Variants in SEMA3A observed in about 807,000 individuals in gnomAD.
The protein encoded by SEMA3A is semaphorin 3A, also known as semaphorin-3A.
A neutral mutation model predicts 97.9 loss-of-function variants in SEMA3A; 29 were observed. That is an observed-to-expected ratio of 0.30 (90% CI 0.22 to 0.40). The LOEUF (loss-of-function observed/expected upper bound fraction) is 0.40. Ranked by LOEUF, SEMA3A falls within the 10% of genes least tolerant of loss-of-function variation. The probability of loss-of-function intolerance (pLI) is 1.00; values close to 1 mark genes in which losing one functional copy is unlikely to be tolerated. For missense variants in SEMA3A, 763 were observed against 951.3 expected (o/e 0.80, Z 2.60); for synonymous variants, 321 against 323.7 (o/e 0.99, Z 0.09).
At chr7:84,376,265 ACT>A (rs1207612930) in intron 1 of SEMA3A, among the ~76,000 whole-genome samples, 1 of 152,090 alleles carries the variant, frequency 6.6e-6, no homozygotes, top group Non-Finnish European at 1.5e-5. Flanking sequence ...GAACTTTCAC[ACT>A]GTTTTTTATG....
At chr7:84,384,151 A>C (rs1159429101) in intron 1 of SEMA3A, among the ~76,000 whole-genome samples, 1 of 152,176 alleles carries the variant, frequency 6.6e-6, no homozygotes, top group Non-Finnish European at 1.5e-5. Context: ...ATTTTTGAGA[A>C]GATATTAGAG....
At chr7:84,402,348 G>A (rs970996990) in intron 1 of SEMA3A, among the ~76,000 whole-genome samples, 2 of 152,130 alleles carry the variant, frequency 1.3e-5, no homozygotes, top group African/African-American at 4.8e-5. Context: ...CATAACAACT[G>A]CTGGCAACAG....
intron 4 of SEMA3A, among the ~76,000 whole-genome samples, chr7:84,080,401 C>T (rs964897564): frequency 5.9e-5 from 9 of 151,418 alleles, no homozygotes; most frequent in East Asian, 1.9e-4. Flanking sequence ...AAAATTATAC[C>T]GTAGGCTTAA....
intron 15 of SEMA3A, among the ~76,000 whole-genome samples, chr7:83,975,535 CTAGAT>C (rs1451764744): frequency 6.6e-6 from 1 of 152,048 alleles, no homozygotes; most frequent in African/African-American, 2.4e-5. Context: ...AGACATGTAT[CTAGAT>C]TATAACTTGA....
chr7:84,194,496 T>G lies in SEMA3A; in HGVS notation c.91A>C (p.Arg31=). The change falls in exon 1 of 17, where the codon AGG becomes CGG. Residue 31 remains arginine (R), a synonymous_variant. Transcript: ENST00000265362. ...TTACCTTTGTAGGATAATTTCAGCC[T>G]TGGCACATTGTTCTTCCCATTCTGA... ...NYQNGKNNVP[R]LKLSYKEMLE... The G allele has an allele frequency of 6.2e-7, 1 of 1,609,292 alleles. No homozygotes were observed. Among genetic ancestry groups the G allele is most frequent in the Non-Finnish European group, 8.5e-7 (1 of 1,175,686 alleles).
At chr7:84,231,880 G>C (rs776175076) in intron 3 of SEMA3A, among the ~76,000 whole-genome samples, 8 of 151,842 alleles carry the variant, frequency 5.3e-5, no homozygotes, top group Non-Finnish European at 1.0e-4. Flanking sequence ...TTGGGAAACA[G>C]AAAAATAACT....
intron 1 of SEMA3A, among the ~76,000 whole-genome samples, chr7:84,405,373 A>G (rs2116228942): frequency 6.6e-6 from 1 of 152,334 alleles, no homozygotes; most frequent in Admixed American, 6.5e-5. Context: ...CACCCAATAC[A>G]TTAACACCCA....
chr7:84,442,889 TTGA>T (rs1262160459), intron 1 of SEMA3A, among the ~76,000 whole-genome samples: 1 of 152,100 alleles, frequency 6.6e-6, no homozygotes, highest in Non-Finnish European at 1.5e-5. Context: ...GAATATTATG[TTGA>T]TGAAAGTTTC....
At chr7:84,221,610 T>G (rs1157435714) in intron 3 of SEMA3A, among the ~76,000 whole-genome samples, 4 of 152,030 alleles carry the variant, frequency 2.6e-5, no homozygotes, top group Non-Finnish European at 5.9e-5. Context: ...AATACTGAAA[T>G]TATTGTTCTA....
intron 15 of SEMA3A, among the ~76,000 whole-genome samples, chr7:83,965,720 T>G (rs1788670092): frequency 8.5e-6 from 1 of 117,486 alleles, no homozygotes; most frequent in Non-Finnish European, 1.7e-5. Context: ...TTACTCTGTC[T>G]CCCAGGCTGG....
At chr7:84,030,059 G>A (rs1319198606) in intron 6 of SEMA3A, among the ~76,000 whole-genome samples, 1 of 152,094 alleles carries the variant, frequency 6.6e-6, no homozygotes. Context: ...TCCTCTCAGT[G>A]TGGCTCATGT....
At chr7:83,978,054 C>A (rs773844855) in intron 14 of SEMA3A, among the ~76,000 whole-genome samples, 16 of 152,162 alleles carry the variant, frequency 1.1e-4, no homozygotes, top group Admixed American at 9.8e-4. Flanking sequence ...CCGCCCTCCT[C>A]GGCCTCCCAA....
At chr7:84,315,237 G>A (rs1801466993) in intron 2 of SEMA3A, among the ~76,000 whole-genome samples, 1 of 152,040 alleles carries the variant, frequency 6.6e-6, no homozygotes, top group African/African-American at 2.4e-5. Flanking sequence ...CGATTAGGCT[G>A]GAGAGGACAT....
chr7:84,028,871 G>A lies in SEMA3A; in HGVS notation c.668-14520C>T, dbSNP rs561796484. 1.5e-3 allele frequency among the ~76,000 whole-genome samples: 229 copies of A among 152,036 alleles called. 1 individual carries two copies. Among genetic ancestry groups the A allele is most frequent in the African/African-American group, 5.2e-3 (216 of 41,448 alleles). On this transcript the variant is annotated intron_variant, in intron 6 of 16. Transcript: ENST00000265362. ...CCTGACCTCGTGATCTGCCCGCCTC[G>A]GCCTCCCAAAGTGCTGGGATTACAG...
intron 1 of SEMA3A, among the ~76,000 whole-genome samples, chr7:84,468,736 T>C (rs1296823681): frequency 6.6e-6 from 1 of 152,114 alleles, no homozygotes; most frequent in Non-Finnish European, 1.5e-5. Context: ...CAGTATAAAT[T>C]GGTGCTAAAC....
rs190219977 is a variant in SEMA3A at position 83,997,924 on chromosome 7, G to C, written c.1452+4031C>G. ...GGTAATTTTTTGCATTTTTAGTAGA[G>C]ACGGGGTTTCACCATCTTGGCCAGG... is the stretch of plus-strand genomic sequence containing the variant. On this transcript the variant is annotated intron_variant, in intron 12 of 16. Coordinates refer to ENST00000265362, the MANE Select transcript of SEMA3A (RefSeq NM_006080.3). Among the ~76,000 whole-genome samples the C allele has an allele frequency of 2.5e-3, 373 of 152,030 alleles. 1 individual carries two copies. Among genetic ancestry groups the C allele is most frequent in the African/African-American group, 8.7e-3 (359 of 41,438 alleles).
intron 4 of SEMA3A, among the ~76,000 whole-genome samples, chr7:84,105,733 G>T (rs925569210): frequency 1.3e-5 from 2 of 151,996 alleles, no homozygotes; most frequent in African/African-American, 4.8e-5. Flanking sequence ...AATTTGAAGG[G>T]GAAATACCAT....
At chr7:84,487,789 GT>G (rs1258281133) in intron 1 of SEMA3A, among the ~76,000 whole-genome samples, 2 of 151,662 alleles carry the variant, frequency 1.3e-5, no homozygotes, top group South Asian at 4.2e-4. Context: ...TTTAAAAATC[GT>G]TTTTTTCTCT....
In SEMA3A at chr7:84,410,589, G is replaced by A. The variant is rs117459587; in HGVS notation, c.-245-38689C>T. ...TTTTTCTTTGTTTTCTGTTGGAAAT[G>A]TAGTAGTTGTGGCCTTTCAGCAGAA... On this transcript the variant is annotated intron_variant, in intron 1 of 3. Coordinates refer to the SEMA3A transcript ENST00000424555. Among the ~76,000 whole-genome samples the A allele has an allele frequency of 2.0e-4, 31 of 152,274 alleles. No individual in the cohort carries two copies. The East Asian group carries it at 5.2e-3, about 26-fold the overall frequency.
Sources: gnomAD v4.1 joint callset for allele counts (sites outside exome capture counted in the v4.1 genomes callset) on GRCh38, gnomAD v4.1.1 for gene constraint, MANE v1.5 for transcripts, NCBI Gene and HGNC (gene_info 2026-07-23, HGNC 2026-07-21) for gene names.